MALRD1: variants seen among roughly 807,000 people sequenced by gnomAD.
MALRD1 encodes the protein MAM and LDL receptor class A domain containing 1, also known as MAM and LDL-receptor class A domain-containing protein 1.
In MALRD1, 247 loss-of-function variants were observed where a neutral mutation model predicts 242.1. The observed-to-expected ratio is 1.02, with a 90% CI of 0.92 to 1.13. MALRD1 has a LOEUF of 1.13. Ranked by LOEUF, MALRD1 falls within the 50% of genes most tolerant of loss-of-function variation. The pLI is 0.00. For missense variants in MALRD1, 2,989 were observed against 2,533.1 expected (o/e 1.18, Z -3.86); for synonymous variants, 995 against 866.6 (o/e 1.15, Z -2.60).
chr10:19,584,604 T>G (rs1385540976), intron 33 of MALRD1, among the ~76,000 whole-genome samples: 1 of 152,084 alleles, frequency 6.6e-6, no homozygotes, highest in Non-Finnish European at 1.5e-5. Flanking sequence ...TTGTTATAAT[T>G]TCTGTTCTTT....
chr10:19,118,210 A>G (rs1366884202), intron 5 of MALRD1, among the ~76,000 whole-genome samples: 1 of 152,182 alleles, frequency 6.6e-6, no homozygotes. Flanking sequence ...AATATTAGAT[A>G]TGTTGACAAA....
intron 30 of MALRD1, among the ~76,000 whole-genome samples, chr10:19,495,457 A>T (rs2131234235): frequency 6.6e-6 from 1 of 152,188 alleles, no homozygotes; most frequent in East Asian, 1.9e-4. Flanking sequence ...TAAAAAAAAA[A>T]AAAAAGAAAA....
chr10:19,209,917 C>G (rs1038320640), intron 18 of MALRD1, among the ~76,000 whole-genome samples: 1 of 152,148 alleles, frequency 6.6e-6, no homozygotes, highest in Non-Finnish European at 1.5e-5. Context: ...TTGGAAACAG[C>G]TGCAGGTCCT....
At chr10:19,412,626 A>C (rs566061486) in intron 28 of MALRD1, among the ~76,000 whole-genome samples, 3 of 152,234 alleles carry the variant, frequency 2.0e-5, no homozygotes, top group African/African-American at 7.2e-5. Context: ...CTGTAGCCCT[A>C]TAGTGAAGAA....
chr10:19,476,283 T>G (rs1343655022), intron 29 of MALRD1, among the ~76,000 whole-genome samples: 1 of 152,168 alleles, frequency 6.6e-6, no homozygotes, highest in African/African-American at 2.4e-5. Context: ...CAGTCCCAAA[T>G]GGAATAGTCC....
intron 10 of MALRD1, among the ~76,000 whole-genome samples, chr10:19,139,546 T>C (rs1364494058): frequency 1.3e-5 from 2 of 152,206 alleles, no homozygotes; most frequent in Non-Finnish European, 2.9e-5. Flanking sequence ...AAATATGAAC[T>C]CGTGAGGATT....
chr10:19,493,823 A>G (rs1206566894), intron 30 of MALRD1, among the ~76,000 whole-genome samples: 1 of 152,108 alleles, frequency 6.6e-6, no homozygotes, highest in African/African-American at 2.4e-5. Flanking sequence ...AAAAACAAAA[A>G]AACAAAAAAC....
intron 26 of MALRD1, among the ~76,000 whole-genome samples, chr10:19,360,846 C>T (rs1448728361): frequency 1.3e-5 from 2 of 151,984 alleles, no homozygotes; most frequent in Admixed American, 6.6e-5. Flanking sequence ...TATTATTGTA[C>T]TGCAATATTT....
chr10:19,701,929 A>G (rs561695314), intron 38 of MALRD1, among the ~76,000 whole-genome samples: 1 of 151,922 alleles, frequency 6.6e-6, no homozygotes, highest in Non-Finnish European at 1.5e-5. Context: ...GCTAGGACAT[A>G]TTTTAACATT....
In MALRD1 at chr10:19,131,790, G is replaced by A. The variant is rs189426631; in HGVS notation, c.1111-2066G>A. 5.5e-3 allele frequency among the ~76,000 whole-genome samples: 839 copies of A among 152,172 alleles called. 13 individuals are homozygous for A. The highest frequency in any genetic ancestry group is 7.9e-3 in the South Asian group (38 of 4,824). On this transcript the variant is annotated intron_variant, in intron 8 of 39. Transcript: ENST00000454679. ...TCGGCATTATTGATCCTGGACCGGT[G>A]GAGCAAAGATATATTTTTTAAAAAA...
intron 38 of MALRD1, among the ~76,000 whole-genome samples, chr10:19,697,711 C>A (rs1158549449): frequency 3.3e-5 from 5 of 152,146 alleles, no homozygotes; most frequent in Non-Finnish European, 7.4e-5. Context: ...TGCCACAGCC[C>A]AGCAGAGCCA....
At position 19,195,554 on chromosome 10, in the gene MALRD1, A is replaced by G. The variant is rs556756724; in HGVS notation, c.1952-8174A>G. ...CCCCTGGATGTTTAATTGGGATCTT[A>G]AATTTTTCATACCCACCTGCAAGCT... On this transcript the variant is annotated intron_variant, in intron 14 of 39. Coordinates refer to ENST00000454679, the MANE Select transcript of MALRD1 (RefSeq NM_001142308.3). Among the ~76,000 whole-genome samples, 4 of 152,288 alleles carry G rather than the reference A, an allele frequency of 2.6e-5. No homozygotes were observed. In the East Asian group the frequency reaches 5.8e-4, roughly 22 times the overall value.
chr10:19,203,272 C>T (rs770002057), intron 14 of MALRD1, among the ~76,000 whole-genome samples: 10 of 152,080 alleles, frequency 6.6e-5, no homozygotes, highest in Non-Finnish European at 1.2e-4. Flanking sequence ...CTGGGGTACA[C>T]ATTGTATTAA....
intron 36 of MALRD1, among the ~76,000 whole-genome samples, chr10:19,680,423 GT>G (rs1842317519): frequency 6.6e-6 from 1 of 152,028 alleles, no homozygotes; most frequent in South Asian, 2.1e-4. Flanking sequence ...ATCTTTGTTG[GT>G]TTAAAGTGTG....
intron 29 of MALRD1, among the ~76,000 whole-genome samples, chr10:19,458,372 A>T (rs144716407): frequency 6.6e-6 from 1 of 152,176 alleles, no homozygotes; most frequent in Non-Finnish European, 1.5e-5. Context: ...AATATTAATA[A>T]CATGTCCATA....
At chr10:19,058,604 A>G (rs771877363) in intron 1 of MALRD1, among the ~76,000 whole-genome samples, 1 of 152,160 alleles carries the variant, frequency 6.6e-6, no homozygotes, top group African/African-American at 2.4e-5. Context: ...AAAACATTGC[A>G]AGTAAAATGA....
intron 29 of MALRD1, among the ~76,000 whole-genome samples, chr10:19,456,725 G>A (rs1052761587): frequency 2.0e-5 from 3 of 151,380 alleles, no homozygotes; most frequent in African/African-American, 4.8e-5. Context: ...TGCACATCTC[G>A]CCCTAATGAA....
At chr10:19,087,503 A>G (rs375592866) in intron 2 of MALRD1, among the ~76,000 whole-genome samples, 1 of 151,654 alleles carries the variant, frequency 6.6e-6, no homozygotes, top group Non-Finnish European at 1.5e-5. Flanking sequence ...TGGCGCCTTA[A>G]ATTCACCAGT....
chr10:19,577,940 G>A (rs1003798982), intron 33 of MALRD1, among the ~76,000 whole-genome samples: 1 of 152,002 alleles, frequency 6.6e-6, no homozygotes, highest in African/African-American at 2.4e-5. Context: ...AGGTTCTGTG[G>A]GCTTTTCACA....
Sources: gnomAD v4.1 joint callset for allele counts (sites outside exome capture counted in the v4.1 genomes callset) on GRCh38, gnomAD v4.1.1 for gene constraint, MANE v1.5 for transcripts, NCBI Gene and HGNC (gene_info 2026-07-23, HGNC 2026-07-21) for gene names.